The following ERBB4 variants were observed in gnomAD, a reference collection of about 807,000 sequenced individuals.
The protein encoded by ERBB4 is receptor tyrosine-protein kinase erbB-4.
ERBB4 carries 42 observed loss-of-function variants against 158.0 expected under a neutral mutation model. The ratio of observed to expected loss-of-function variants is 0.27; its 90% CI spans 0.21 to 0.34. The LOEUF (loss-of-function observed/expected upper bound fraction) is 0.34, where lower values mean the gene tolerates loss of function less well. Ranked by LOEUF, ERBB4 falls within the 10% of genes least tolerant of loss-of-function variation. The pLI, the probability that ERBB4 is intolerant of heterozygous loss-of-function variation, is 1.00. For synonymous variants in ERBB4, 583 were observed against 558.7 expected, an observed-to-expected ratio of 1.04 and a Z score of -0.61; for missense variants, 1,333 against 1,624.1, an observed-to-expected ratio of 0.82 and a Z score of 3.08.
chr2:211,698,430 G>A (rs1041440132), intron 12 of ERBB4, among the ~76,000 whole-genome samples: 1 of 151,144 alleles, frequency 6.6e-6, no homozygotes, highest in African/African-American at 2.4e-5. Context: ...TATTTAAATA[G>A]AAATGGTATG....
chr2:211,941,995 C>A (rs1189715600), intron 3 of ERBB4, among the ~76,000 whole-genome samples: 1 of 152,126 alleles, frequency 6.6e-6, no homozygotes, highest in East Asian at 1.9e-4. Flanking sequence ...GATAAAGAAT[C>A]TGAGTCTCAG....
At chr2:211,493,910 T>C (rs999251596) in intron 20 of ERBB4, among the ~76,000 whole-genome samples, 1 of 152,246 alleles carries the variant, frequency 6.6e-6, no homozygotes, top group African/African-American at 2.4e-5. Flanking sequence ...CATCCTGACC[T>C]ATGATGTTCT....
intron 1 of ERBB4, among the ~76,000 whole-genome samples, chr2:212,483,639 T>A (rs1421562559): frequency 6.6e-6 from 1 of 152,238 alleles, no homozygotes; most frequent in Non-Finnish European, 1.5e-5. Context: ...TATCTTGATT[T>A]AGGCCTTTAA....
At chr2:211,638,042 A>G (rs773261325) in intron 16 of ERBB4, among the ~76,000 whole-genome samples, 14 of 152,034 alleles carry the variant, frequency 9.2e-5, no homozygotes, top group Non-Finnish European at 1.9e-4. Context: ...GTATTGCTAT[A>G]TTCATTGTGA....
intron 27 of ERBB4, among the ~76,000 whole-genome samples, chr2:211,384,693 C>A (rs1409372205): frequency 6.6e-6 from 1 of 152,048 alleles, no homozygotes; most frequent in South Asian, 2.1e-4. Context: ...TCTAGTTGAC[C>A]TGCTTGACAT....
At chr2:211,528,066 C>T (rs2066398120) in intron 20 of ERBB4, among the ~76,000 whole-genome samples, 2 of 151,898 alleles carry the variant, frequency 1.3e-5, no homozygotes, top group Non-Finnish European at 1.5e-5. Context: ...GACAGAGTGG[C>T]TGCATGATGA....
chr2:211,782,594 T>C (rs1250799232), intron 4 of ERBB4, among the ~76,000 whole-genome samples: 2 of 152,156 alleles, frequency 1.3e-5, no homozygotes, highest in African/African-American at 4.8e-5. Flanking sequence ...CAAATAGGAA[T>C]ATACAAGAAC....
chr2:212,405,909 C>A (rs933843683), intron 1 of ERBB4, among the ~76,000 whole-genome samples: 1 of 152,000 alleles, frequency 6.6e-6, no homozygotes, highest in Non-Finnish European at 1.5e-5. Flanking sequence ...TCTACACTCT[C>A]GCTGCTCAAC....
chr2:212,406,496 T>C (rs569299782), intron 1 of ERBB4, among the ~76,000 whole-genome samples: 2 of 152,312 alleles, frequency 1.3e-5, no homozygotes, highest in South Asian at 4.1e-4. Flanking sequence ...TACTACTACT[T>C]ATGTGCTGTT....
chr2:212,222,584 C>T, intron 1 of ERBB4, among the ~76,000 whole-genome samples: 1 of 151,130 alleles, frequency 6.6e-6, no homozygotes, highest in South Asian at 2.1e-4. Flanking sequence ...ATACTATATT[C>T]GCCTGGTTTT....
intron 2 of ERBB4, among the ~76,000 whole-genome samples, chr2:211,952,214 T>C (rs2080893092): frequency 6.6e-6 from 1 of 152,084 alleles, no homozygotes; most frequent in African/African-American, 2.4e-5. Flanking sequence ...TCCTATAGTC[T>C]TTCTGTGAAC....
chr2:211,576,201 C>T (rs1437387631), intron 19 of ERBB4, among the ~76,000 whole-genome samples: 1 of 152,120 alleles, frequency 6.6e-6, no homozygotes, highest in Non-Finnish European at 1.5e-5. Flanking sequence ...ACAAAAGACT[C>T]TTACTGCTAG....
intron 1 of ERBB4, among the ~76,000 whole-genome samples, chr2:212,289,607 T>A (rs2086129691): frequency 6.6e-6 from 1 of 152,180 alleles, no homozygotes; most frequent in Non-Finnish European, 1.5e-5. Flanking sequence ...AGGAAGTTTT[T>A]GCCTGAAGGA....
chr2:212,023,609 T>C (rs180685941), intron 2 of ERBB4, among the ~76,000 whole-genome samples: 49 of 152,138 alleles, frequency 3.2e-4, no homozygotes, highest in Admixed American at 1.4e-3. Flanking sequence ...TAATGAAATA[T>C]ATGCAGACTT....
intron 4 of ERBB4, among the ~76,000 whole-genome samples, chr2:211,786,535 C>T (rs1393073385): frequency 1.3e-5 from 2 of 152,168 alleles, no homozygotes; most frequent in Non-Finnish European, 2.9e-5. Flanking sequence ...ATAGGCACAA[C>T]CATCCAAATT....
intron 19 of ERBB4, among the ~76,000 whole-genome samples, chr2:211,607,667 C>G (rs1315104950): frequency 1.3e-5 from 2 of 151,850 alleles, no homozygotes; most frequent in African/African-American, 4.8e-5. Flanking sequence ...CTGTAAGCAA[C>G]AGGCACCAAA....
chr2:211,434,515 A>C (rs983560542), intron 20 of ERBB4, among the ~76,000 whole-genome samples: 1 of 152,196 alleles, frequency 6.6e-6, no homozygotes, highest in African/African-American at 2.4e-5. Flanking sequence ...GGGACTTCCC[A>C]GTCTCCAAAA....
intron 12 of ERBB4, among the ~76,000 whole-genome samples, chr2:211,697,781 G>A (rs7424835): frequency 0.16 from 23,696 of 152,192 alleles, 2,380 homozygotes; most frequent in Admixed American, 0.26. Flanking sequence ...TTTGGAACAA[G>A]GTTAATTGAT....
intron 1 of ERBB4, among the ~76,000 whole-genome samples, chr2:212,436,647 G>A (rs1231098818): frequency 6.6e-6 from 1 of 151,800 alleles, no homozygotes; most frequent in Admixed American, 6.6e-5. Context: ...TTGACACATG[G>A]GAAGAAAATA....
Sources: gnomAD v4.1 joint callset for allele counts (sites outside exome capture counted in the v4.1 genomes callset) on GRCh38, gnomAD v4.1.1 for gene constraint, MANE v1.5 for transcripts, NCBI Gene and HGNC (gene_info 2026-07-23, HGNC 2026-07-21) for gene names.